CATSPERE: variants seen among roughly 807,000 people sequenced by gnomAD.
The protein encoded by CATSPERE is cation channel sperm-associated auxiliary subunit epsilon.
A neutral mutation model predicts 114.1 loss-of-function variants in CATSPERE; 93 were observed. The observed-to-expected ratio is 0.81, with a 90% CI of 0.69 to 0.97. The LOEUF (loss-of-function observed/expected upper bound fraction) is 0.97, where lower values mean the gene tolerates loss of function less well. Among genes scored for constraint, CATSPERE ranks in the 50% least tolerant of loss-of-function variants. The probability of loss-of-function intolerance (pLI) is 0.00; values close to 1 mark genes in which losing one functional copy is unlikely to be tolerated. For missense variants in CATSPERE, 1,058 were observed against 1,131.6 expected, an observed-to-expected ratio of 0.93 and a Z score of 0.93; for synonymous variants, 341 against 384.1, an observed-to-expected ratio of 0.89 and a Z score of 1.31.
intron 8 of CATSPERE, among the ~76,000 whole-genome samples, chr1:244,546,444 G>A (rs1401023209): frequency 1.3e-5 from 2 of 152,148 alleles, no homozygotes; most frequent in Non-Finnish European, 2.9e-5. Context: ...AGAAAAATCA[G>A]GGAAATATGG....
At chr1:244,563,443 T>C (rs1662901690) in intron 10 of CATSPERE, among the ~76,000 whole-genome samples, 1 of 152,242 alleles carries the variant, frequency 6.6e-6, no homozygotes, top group Non-Finnish European at 1.5e-5. Flanking sequence ...CCTGACTTTT[T>C]AAAGATCACC....
chr1:244,475,941 G>T (rs1669278261), intron 2 of CATSPERE, among the ~76,000 whole-genome samples: 2 of 151,796 alleles, frequency 1.3e-5, no homozygotes, highest in African/African-American at 4.8e-5. Flanking sequence ...TTTTTTGTTT[G>T]TTTGTTTTTT....
At chr1:244,507,162 G>C (rs1674952273) in intron 7 of CATSPERE, among the ~76,000 whole-genome samples, 1 of 152,074 alleles carries the variant, frequency 6.6e-6, no homozygotes, top group South Asian at 2.1e-4. Flanking sequence ...TTCCATTGCT[G>C]AATATTTAGG....
At chr1:244,538,378 AG>A (rs1185697413) in intron 8 of CATSPERE, among the ~76,000 whole-genome samples, 1 of 152,140 alleles carries the variant, frequency 6.6e-6, no homozygotes, top group Non-Finnish European at 1.5e-5. Context: ...CAGAAAACAG[AG>A]GGGGAAGTGG....
intron 9 of CATSPERE, among the ~76,000 whole-genome samples, chr1:244,553,632 C>CACACACATATATACAT (rs1558485108): frequency 1.6e-4 from 23 of 146,166 alleles, no homozygotes; most frequent in African/African-American, 6.1e-4. Context: ...CACACACACA[C>CACACACATATATACAT]ACACACACAC....
chr1:244,506,606 AAC>A (rs1264186818), intron 7 of CATSPERE, among the ~76,000 whole-genome samples: 1 of 152,158 alleles, frequency 6.6e-6, no homozygotes, highest in African/African-American at 2.4e-5. Context: ...TTTATTGAGT[AAC>A]AAGATTTTTG....
intron 8 of CATSPERE, among the ~76,000 whole-genome samples, chr1:244,530,188 G>A (rs972448599): frequency 4.6e-5 from 7 of 152,098 alleles, no homozygotes; most frequent in Non-Finnish European, 8.8e-5. Flanking sequence ...ACCTCAGGCA[G>A]TCCCCACCAG....
intron 17 of CATSPERE, among the ~76,000 whole-genome samples, chr1:244,601,951 G>A (rs149996642): frequency 6.6e-6 from 1 of 151,938 alleles, no homozygotes; most frequent in African/African-American, 2.4e-5. Flanking sequence ...GAAACGGAAG[G>A]AAGGAAGGAG....
At chr1:244,460,872 C>A (rs903879972), upstream of CATSPERE, among the ~76,000 whole-genome samples, 2 of 152,226 alleles carry the variant, frequency 1.3e-5, no homozygotes, top group African/African-American at 4.8e-5. Context: ...CGAGCCAGAT[C>A]GCGCCACTGC....
chr1:244,470,231 A>G (rs1041952098), intron 2 of CATSPERE, among the ~76,000 whole-genome samples: 2 of 152,256 alleles, frequency 1.3e-5, no homozygotes, highest in Non-Finnish European at 2.9e-5. Flanking sequence ...GACATCATCA[A>G]GAAAGTGAAG....
At chr1:244,557,344 G>GT (rs776005008) in intron 9 of CATSPERE, among the ~76,000 whole-genome samples, 1 of 150,824 alleles carries the variant, frequency 6.6e-6, no homozygotes, top group Non-Finnish European at 1.5e-5. Context: ...TTTAACAATA[G>GT]TAATTATTCC....
chr1:244,480,754 G>A (rs896720005), intron 5 of CATSPERE, among the ~76,000 whole-genome samples: 3 of 152,068 alleles, frequency 2.0e-5, no homozygotes, highest in African/African-American at 7.2e-5. Flanking sequence ...TAATAATACC[G>A]AGGTTTCAGC....
chr1:244,572,440 GC>G lies in CATSPERE; in HGVS notation c.1619del (p.Ala540AspfsTer5). ...LHLWTNYTTR[A>X]FIFLSTSGQT... is the part of the protein sequence containing the mutation. Reference sequence around the variant, plus strand: ...TTTATGGACAAATTACACAACAAGAGCATTCATTTTCTTAAGTACATCTGGT... The same window carrying G: ...TTTATGGACAAATTACACAACAAGAGATTCATTTTCTTAAGTACATCTGGT... On this transcript the variant is annotated frameshift_variant, in exon 11 of 22. Coordinates refer to ENST00000366534, the MANE Select transcript of CATSPERE (RefSeq NM_001130957.2). LOFTEE classifies it high-confidence loss of function. 1 of 1,612,020 alleles carries G rather than the reference GC, an allele frequency of 6.2e-7. No individual in the cohort carries two copies. Among genetic ancestry groups the G allele is most frequent in the Non-Finnish European group, 8.5e-7 (1 of 1,178,112 alleles).
At chr1:244,479,555 T>C (rs1669929772) in intron 4 of CATSPERE, among the ~76,000 whole-genome samples, 162 bp from the exon 5 acceptor site, 1 of 152,192 alleles carries the variant, frequency 6.6e-6, no homozygotes, top group Non-Finnish European at 1.5e-5. Flanking sequence ...GATGGCAATA[T>C]ATAAATATTT....
In CATSPERE at chr1:244,558,024, C is replaced by G. The variant is rs542950186; in HGVS notation, c.1030-2644C>G. Among the ~76,000 whole-genome samples the G allele has an allele frequency of 5.3e-5, 8 of 152,072 alleles. No homozygotes were observed. The East Asian group carries it at 1.5e-3, about 29-fold the overall frequency. ...GGAGTGCAATGCCACAATCAAAACTCACTGCTGCCTCAAACTGCTGGCCTC... is the reference window on the plus strand; with the variant it reads ...GGAGTGCAATGCCACAATCAAAACTGACTGCTGCCTCAAACTGCTGGCCTC... On this transcript the variant is annotated intron_variant, in intron 9 of 21. Transcript: ENST00000366534.
rs932925891 is a variant in CATSPERE, at chr1:244,575,568, C to T, written c.1950+2796C>T. Among the ~76,000 whole-genome samples the T allele has an allele frequency of 1.3e-5, 2 of 152,138 alleles. No homozygotes were observed. Among genetic ancestry groups the T allele is most frequent in the African/African-American group, 4.8e-5 (2 of 41,422 alleles). ...ATGGCTCTAGCTGCATGGCTGGGTGCGAGGAGAGCATCCTAGCCACTGCCA... is the reference window on the plus strand; with the variant it reads ...ATGGCTCTAGCTGCATGGCTGGGTGTGAGGAGAGCATCCTAGCCACTGCCA... On this transcript the variant is annotated intron_variant, in intron 11 of 21. Coordinates refer to ENST00000366534, the MANE Select transcript of CATSPERE (RefSeq NM_001130957.2). The surrounding 1 kb of genome is among the most constrained non-coding windows in gnomAD (Gnocchi z 4.5).
intron 15 of CATSPERE, 152 bp from the exon 16 acceptor site, chr1:244,593,243 G>A (rs948278627): frequency 2.9e-6 from 2 of 689,268 alleles, no homozygotes; most frequent in African/African-American, 3.6e-5. Context: ...GTGTTAATAT[G>A]TGTGGATATA....
At chr1:244,605,497 C>T (rs1026825967) in intron 17 of CATSPERE, among the ~76,000 whole-genome samples, 198 bp from the exon 18 acceptor site, 3 of 152,008 alleles carry the variant, frequency 2.0e-5, no homozygotes, top group African/African-American at 7.3e-5. Flanking sequence ...GACACCTAAA[C>T]AATAGGTACT....
intron 9 of CATSPERE, among the ~76,000 whole-genome samples, chr1:244,553,034 A>G (rs187446140): frequency 2.0e-5 from 3 of 152,156 alleles, no homozygotes; most frequent in Admixed American, 6.5e-5. Context: ...GTATGTTATT[A>G]TGTAGTTCAG....
Sources: allele counts gnomAD v4.1 joint callset (sites outside exome capture counted in the v4.1 genomes callset), GRCh38; gene constraint gnomAD v4.1.1; non-coding constraint Gnocchi (gnomAD v3.1); transcripts MANE v1.5; gene names NCBI Gene and HGNC (gene_info 2026-07-23, HGNC 2026-07-21).